Variants in RTN4 observed in about 807,000 individuals in gnomAD.
RTN4 encodes reticulon-4.
RTN4 carries 32 observed loss-of-function variants against 90.4 expected under a neutral mutation model. The ratio of observed to expected loss-of-function variants is 0.35; its 90% CI spans 0.27 to 0.48. The LOEUF (loss-of-function observed/expected upper bound fraction) is 0.48. Among genes scored for constraint, RTN4 ranks in the 20% least tolerant of loss-of-function variants. RTN4 has a pLI of 0.99. For synonymous variants in RTN4, 629 were observed against 552.5 expected (o/e 1.14, Z -1.94); for missense variants, 1,706 against 1,430.2 (o/e 1.19, Z -3.11).
intron 5 of RTN4, among the ~76,000 whole-genome samples, chr2:54,976,837 G>A (rs1677675731): frequency 6.6e-6 from 1 of 152,180 alleles, no homozygotes; most frequent in Admixed American, 6.5e-5. Context: ...CGATTCCATG[G>A]CAAATACTTT....
chr2:55,021,965 T>C (rs745841984), intron 3 of RTN4, among the ~76,000 whole-genome samples: 8 of 152,280 alleles, frequency 5.3e-5, no homozygotes, highest in Middle Eastern at 3.4e-3. Context: ...AGAAGGGAGA[T>C]AAACATATTC....
the RTN4 span, among the ~76,000 whole-genome samples, chr2:55,132,954 G>A: frequency 6.6e-6 from 1 of 151,026 alleles, no homozygotes; most frequent in South Asian, 2.1e-4. Flanking sequence ...GCTCACACCT[G>A]TAAATCCTGT....
At chr2:55,076,014 C>G (rs1273360696) in intron 2 of RTN4, among the ~76,000 whole-genome samples, 1 of 152,186 alleles carries the variant, frequency 6.6e-6, no homozygotes, top group African/African-American at 2.4e-5. Flanking sequence ...CTTCTAGACA[C>G]TGGTTTAGTC....
At chr2:55,035,980 G>T (rs1430100789) in intron 1 of RTN4, among the ~76,000 whole-genome samples, 1 of 152,044 alleles carries the variant, frequency 6.6e-6, no homozygotes, top group Non-Finnish European at 1.5e-5. Flanking sequence ...AGTCCTATGT[G>T]ACTATACTTG....
intron 4 of RTN4, among the ~76,000 whole-genome samples, chr2:54,986,595 T>C (rs1405007038): frequency 2.0e-5 from 3 of 152,194 alleles, no homozygotes; most frequent in Non-Finnish European, 2.9e-5. Context: ...ATTTTCTTTA[T>C]ATGAGATGAA....
intron 3 of RTN4, among the ~76,000 whole-genome samples, chr2:54,998,242 G>A (rs537141798): frequency 2.8e-5 from 4 of 143,296 alleles, no homozygotes; most frequent in East Asian, 4.5e-4. Flanking sequence ...TTTTTGGGAG[G>A]GGGGTGAAGA....
chr2:55,048,647 C>T (rs1015910166), intron 1 of RTN4, among the ~76,000 whole-genome samples: 4 of 152,160 alleles, frequency 2.6e-5, no homozygotes, highest in African/African-American at 9.7e-5. Flanking sequence ...GCGGTCTGTC[C>T]TTGACCTAAA....
chr2:55,102,753 C>A (rs1667873334), intron 1 of RTN4, among the ~76,000 whole-genome samples: 1 of 152,076 alleles, frequency 6.6e-6, no homozygotes, highest in Non-Finnish European at 1.5e-5. Flanking sequence ...TATAGATTTT[C>A]TAAAAACAAT....
the RTN4 span, among the ~76,000 whole-genome samples, chr2:55,118,659 C>T: frequency 6.6e-6 from 1 of 152,148 alleles, no homozygotes; most frequent in African/African-American, 2.4e-5. Context: ...CAAGTTGAAT[C>T]TTCACCAAAC....
chr2:55,019,889 C>T (rs769089074), intron 3 of RTN4, among the ~76,000 whole-genome samples: 4 of 151,848 alleles, frequency 2.6e-5, no homozygotes, highest in Admixed American at 6.6e-5. Context: ...ACAAAAATAT[C>T]GCATGTCTTT....
Position 55,050,235 on chromosome 2 carries a change from C to A in RTN4, c.66G>T (p.Ala22=). The A allele has an allele frequency of 1.3e-6, 2 of 1,549,158 alleles. No individual in the cohort carries two copies. The highest frequency in any genetic ancestry group is 1.7e-6 in the Non-Finnish European group (2 of 1,149,272). Reference sequence around the variant, plus strand: ...GCTCCCTCACGAACTGGTACTTGAACGCGGGCTGCGGCCGGGGTGGGCTGT... The same window carrying A: ...GCTCCCTCACGAACTGGTACTTGAAAGCGGGCTGCGGCCGGGGTGGGCTGT... ...SSDSPPRPQP[A]FKYQFVREPE... is the part of the protein sequence containing the mutation. Residue 22 remains alanine (A), a synonymous_variant, in exon 1 of 9, where the codon GCG becomes GCT. Coordinates refer to ENST00000337526, the MANE Select transcript of RTN4 (RefSeq NM_020532.5). This position sits in a 1 kb window ranked among gnomAD's most constrained non-coding sequence, Gnocchi z 4.6.
rs1668305659 is a variant in RTN4 at position 55,062,047 on chromosome 2, G to A, written c.-63+18442C>T. Among the ~76,000 whole-genome samples, 4 of 122,998 alleles carry A rather than the reference G, an allele frequency of 3.3e-5. No homozygotes were observed. The Admixed American group carries it at 3.3e-4, about 10-fold the overall frequency. 80.7% of individuals were successfully genotyped at this position (122,998 alleles called of 152,430 possible). A position where few individuals can be genotyped will look rare whatever the true frequency, so the allele number is the denominator to read the frequency against. ...CGTCAAGAGCACGTCAAGAGCACAC[G>A]GACAGGCACTGGCACGCCGGCAGGT... On this transcript the variant is annotated intron_variant, in intron 2 of 3. Coordinates refer to the RTN4 transcript ENST00000427710.
chr2:55,128,227 C>T, the RTN4 span, among the ~76,000 whole-genome samples: 2 of 152,122 alleles, frequency 1.3e-5, no homozygotes, highest in Non-Finnish European at 2.9e-5. Flanking sequence ...CACTTATCTG[C>T]ATTGTTCTGG....
intron 3 of RTN4, among the ~76,000 whole-genome samples, chr2:54,990,843 T>C (rs892714072): frequency 6.6e-6 from 1 of 152,106 alleles, no homozygotes; most frequent in South Asian, 2.1e-4. Flanking sequence ...TGGAGTGCAG[T>C]GGCGCGATCT....
chr2:55,099,297 T>G (rs957040781), intron 1 of RTN4, among the ~76,000 whole-genome samples: 1 of 152,164 alleles, frequency 6.6e-6, no homozygotes, highest in Non-Finnish European at 1.5e-5. Flanking sequence ...CATTATGGAC[T>G]CATAGATTTA....
At chr2:55,121,038 T>C in the RTN4 span, among the ~76,000 whole-genome samples, 1 of 152,128 alleles carries the variant, frequency 6.6e-6, no homozygotes, top group Non-Finnish European at 1.5e-5. Flanking sequence ...ATGTTCAGCA[T>C]CCAATGCCTT....
At chr2:55,022,280 G>A (rs1478813457) in intron 3 of RTN4, among the ~76,000 whole-genome samples, 1 of 152,092 alleles carries the variant, frequency 6.6e-6, no homozygotes, top group Admixed American at 6.6e-5. Flanking sequence ...GCTGCTCTGG[G>A]CTTCTGAGAC....
At chr2:55,086,923 G>T (rs908999886) in intron 1 of RTN4, among the ~76,000 whole-genome samples, 1 of 150,696 alleles carries the variant, frequency 6.6e-6, no homozygotes, top group Admixed American at 6.6e-5. Context: ...GCCTCCCAAA[G>T]TGCCGGGATT....
At chr2:55,091,830 GGCA>G (rs1230415706) in intron 1 of RTN4, among the ~76,000 whole-genome samples, 1 of 103,372 alleles carries the variant, frequency 9.7e-6, no homozygotes, top group Admixed American at 1.1e-4. Context: ...TTTCTTACAT[GGCA>G]GCGGCAAGAG....
Sources: gnomAD v4.1 joint callset for allele counts (sites outside exome capture counted in the v4.1 genomes callset) on GRCh38, gnomAD v4.1.1 for gene constraint, Gnocchi (gnomAD v3.1) non-coding constraint, MANE v1.5 for transcripts, NCBI Gene and HGNC (gene_info 2026-07-23, HGNC 2026-07-21) for gene names.